The following ELAVL2 variants were observed in gnomAD, a reference collection of about 807,000 sequenced individuals.
ELAVL2 encodes ELAV-like protein 2.
In ELAVL2, 4 loss-of-function variants were observed where a neutral mutation model predicts 34.6. The ratio of observed to expected loss-of-function variants is 0.12; its 90% CI spans 0.06 to 0.26. ELAVL2 has a LOEUF of 0.26. Among genes scored for constraint, ELAVL2 ranks in the 10% least tolerant of loss-of-function variants. The pLI is 1.00. For synonymous variants in ELAVL2, 193 were observed against 154.8 expected (o/e 1.25, Z -1.83); for missense variants, 432 against 442.8 (o/e 0.98, Z 0.22).
chr9:23,772,109 G>A (rs1013263801), intron 1 of ELAVL2, among the ~76,000 whole-genome samples: 2 of 152,196 alleles, frequency 1.3e-5, no homozygotes, highest in African/African-American at 4.8e-5. Flanking sequence ...AATTAAGACA[G>A]TTAACATAGT....
intron 1 of ELAVL2, among the ~76,000 whole-genome samples, chr9:23,815,259 G>C (rs1265927176): frequency 6.6e-6 from 1 of 151,926 alleles, no homozygotes; most frequent in Non-Finnish European, 1.5e-5. Context: ...ATGTTAGCTG[G>C]CTAAATTCTC....
At chr9:23,827,531 C>T (rs930756958), upstream of ELAVL2, among the ~76,000 whole-genome samples, 41 of 151,516 alleles carry the variant, frequency 2.7e-4, no homozygotes, top group Admixed American at 1.4e-3. Flanking sequence ...CCATTCTTAC[C>T]AGAATGTGTA....
chr9:23,789,399 C>A (rs2060079124), intron 1 of ELAVL2, among the ~76,000 whole-genome samples: 1 of 152,150 alleles, frequency 6.6e-6, no homozygotes, highest in Non-Finnish European at 1.5e-5. Context: ...ATGCTACATA[C>A]AAAATTACGT....
chr9:23,821,013 C>G (rs549346176), intron 1 of ELAVL2, among the ~76,000 whole-genome samples: 3 of 152,330 alleles, frequency 2.0e-5, no homozygotes, highest in African/African-American at 7.2e-5. Context: ...ACAACGCGGC[C>G]GGTGTTAAGT....
At chr9:23,824,373 C>T (rs2065150011) in intron 1 of ELAVL2, among the ~76,000 whole-genome samples, 1 of 152,202 alleles carries the variant, frequency 6.6e-6, no homozygotes, top group African/African-American at 2.4e-5. Flanking sequence ...GTGGTGGGCA[C>T]TGCCACCTTG....
At position 23,824,824 on chromosome 9, in the gene ELAVL2, C is replaced by T. The variant is rs796983603; in HGVS notation, c.-16+982G>A. On this transcript the variant is annotated intron_variant, in intron 1 of 6. Transcript: ENST00000397312. Reference sequence around the variant, plus strand: ...CATCTTTCTCCTGGCGTCAATTTAACAATAGCTATTCGAGGAAGTGGGGGC... The same window carrying T: ...CATCTTTCTCCTGGCGTCAATTTAATAATAGCTATTCGAGGAAGTGGGGGC... Among the ~76,000 whole-genome samples the T allele has an allele frequency of 5.5e-4, 83 of 152,292 alleles. 1 individual carries two copies. Among genetic ancestry groups the T allele is most frequent in the African/African-American group, 1.9e-3 (80 of 41,558 alleles).
chr9:23,754,910 G>A (rs549369203), intron 2 of ELAVL2, among the ~76,000 whole-genome samples: 4 of 152,058 alleles, frequency 2.6e-5, no homozygotes, highest in East Asian at 1.9e-4. Context: ...AGAAGTAAGC[G>A]ACTCATTACT....
At chr9:23,769,256 C>G (rs2056882942) in intron 1 of ELAVL2, among the ~76,000 whole-genome samples, 1 of 152,154 alleles carries the variant, frequency 6.6e-6, no homozygotes, top group Non-Finnish European at 1.5e-5. Context: ...ACCACACCAT[C>G]CTTTGGGGAA....
chr9:23,792,076 G>C (rs1422563821), intron 1 of ELAVL2, among the ~76,000 whole-genome samples: 4 of 152,132 alleles, frequency 2.6e-5, no homozygotes, highest in Non-Finnish European at 5.9e-5. Flanking sequence ...AGCACTTCAA[G>C]TAACTACACC....
intron 1 of ELAVL2, among the ~76,000 whole-genome samples, chr9:23,802,087 C>G (rs1197921589): frequency 1.3e-5 from 2 of 152,096 alleles, no homozygotes; most frequent in Non-Finnish European, 2.9e-5. Context: ...TATACACATC[C>G]TGGGTACCAT....
chr9:23,705,738 G>A (rs10966033), intron 3 of ELAVL2, among the ~76,000 whole-genome samples: 1 of 151,962 alleles, frequency 6.6e-6, no homozygotes, highest in Non-Finnish European at 1.5e-5. Context: ...GCAGCTAATC[G>A]GACAGGAGGT....
intron 3 of ELAVL2, among the ~76,000 whole-genome samples, chr9:23,705,730 A>G (rs2039106789): frequency 6.6e-6 from 1 of 152,208 alleles, no homozygotes; most frequent in African/African-American, 2.4e-5. Context: ...CTAATGCTGC[A>G]GCTAATCGGA....
At chr9:23,699,816 T>A (rs1016010974) in intron 5 of ELAVL2, among the ~76,000 whole-genome samples, 2 of 29,800 alleles carry the variant, frequency 6.7e-5, no homozygotes, top group African/African-American at 6.7e-4. Flanking sequence ...GCAAAGGTTT[T>A]TTTTTTTTTT....
At chr9:23,717,577 C>T (rs1268853015) in intron 3 of ELAVL2, among the ~76,000 whole-genome samples, 1 of 152,104 alleles carries the variant, frequency 6.6e-6, no homozygotes, top group African/African-American at 2.4e-5. Flanking sequence ...TGAGACATTC[C>T]CTTATGTGTA....
intron 1 of ELAVL2, among the ~76,000 whole-genome samples, chr9:23,787,031 T>G (rs550451696): frequency 6.6e-6 from 1 of 152,176 alleles, no homozygotes; most frequent in African/African-American, 2.4e-5. Context: ...TGTAAATAAA[T>G]TTTAATGGGA....
At position 23,740,609 on chromosome 9, in the gene ELAVL2, C is replaced by CA. The variant is rs553028906; in HGVS notation, c.230-9485dup. Among the ~76,000 whole-genome samples, 8 of 151,612 alleles carry CA rather than the reference C, an allele frequency of 5.3e-5. No homozygotes were observed. In the East Asian group the frequency reaches 1.5e-3, roughly 29 times the overall value. ...TCATGAAATAAATTGACTGGAACTT[C>CA]AATTCTTTCTTAATCCATCCAAGAG... On this transcript the variant is annotated intron_variant, in intron 2 of 6. Transcript: ENST00000397312.
chr9:23,757,213 C>A (rs1485751603), intron 2 of ELAVL2, among the ~76,000 whole-genome samples: 1 of 152,130 alleles, frequency 6.6e-6, no homozygotes, highest in African/African-American at 2.4e-5. Context: ...TTCCATTCTC[C>A]TTCCAGAGAA....
chr9:23,783,094 T>C (rs903339647), intron 1 of ELAVL2, among the ~76,000 whole-genome samples: 5 of 152,118 alleles, frequency 3.3e-5, no homozygotes, highest in East Asian at 3.9e-4. Context: ...CAAACTCTTA[T>C]CTCAAAAGGG....
intron 2 of ELAVL2, among the ~76,000 whole-genome samples, chr9:23,734,557 C>G (rs1188266904): frequency 6.6e-6 from 1 of 152,120 alleles, no homozygotes; most frequent in Non-Finnish European, 1.5e-5. Flanking sequence ...CGTATAAGCC[C>G]AGGACTAGTT....
Sources: allele counts gnomAD v4.1 joint callset (sites outside exome capture counted in the v4.1 genomes callset), GRCh38; gene constraint gnomAD v4.1.1; transcripts MANE v1.5; gene names NCBI Gene and HGNC (gene_info 2026-07-23, HGNC 2026-07-21).